Variants in COL25A1 observed in about 807,000 individuals in gnomAD.
COL25A1 encodes collagen type XXV alpha 1 chain.
COL25A1 carries 103 observed loss-of-function variants against 128.4 expected under a neutral mutation model. The observed-to-expected ratio is 0.80, with a 90% CI of 0.68 to 0.94. The LOEUF is 0.94. Among genes scored for constraint, COL25A1 ranks in the 40% least tolerant of loss-of-function variants. COL25A1 has a pLI of 0.00. For missense variants in COL25A1, 745 were observed against 840.0 expected (o/e 0.89, Z 1.40); for synonymous variants, 279 against 277.2 (o/e 1.01, Z -0.06).
At chr4:109,223,196 G>C (rs917317276) in intron 3 of COL25A1, among the ~76,000 whole-genome samples, 1 of 152,110 alleles carries the variant, frequency 6.6e-6, no homozygotes, top group East Asian at 1.9e-4. Flanking sequence ...TAAATGTTCT[G>C]TTACTGTAGA....
chr4:109,019,373 CACATAT>C lies in COL25A1; in HGVS notation c.421-9004_421-8999del, dbSNP rs1490682720. 1.3e-3 allele frequency among the ~76,000 whole-genome samples: 42 copies of C among 31,894 alleles called. No individual in the cohort carries two copies. The East Asian group carries it at 0.017, about 13-fold the overall frequency. 20.9% of individuals were successfully genotyped at this position (31,894 alleles called of 152,430 possible). A position where few individuals can be genotyped will look rare whatever the true frequency, so the allele number is the denominator to read the frequency against. ...ATACACACACACACACACACACACA[CACATAT>C]ATATATATATATATATATATTTATA... On this transcript the variant is annotated intron_variant, in intron 5 of 37. Coordinates refer to ENST00000399132, the MANE Select transcript of COL25A1 (RefSeq NM_198721.4).
chr4:109,187,631 TAGAC>T (rs554504231), intron 3 of COL25A1, among the ~76,000 whole-genome samples: 97 of 152,342 alleles, frequency 6.4e-4, no homozygotes, highest in Non-Finnish European at 9.7e-4. Context: ...ATGAAGCTAA[TAGAC>T]AGTTTTGAAA....
At chr4:108,868,509 A>G (rs1380231617) in intron 20 of COL25A1, among the ~76,000 whole-genome samples, 2 of 149,648 alleles carry the variant, frequency 1.3e-5, no homozygotes, top group African/African-American at 4.9e-5. Flanking sequence ...GGAGGGAGGG[A>G]GGGAGAGAGA....
chr4:109,239,314 TTATAGTAA>T (rs1454127745), intron 3 of COL25A1, among the ~76,000 whole-genome samples: 32 of 147,810 alleles, frequency 2.2e-4, no homozygotes, highest in Non-Finnish European at 4.5e-4. Flanking sequence ...TATATTTATA[TTATAGTAA>T]TATAGTAATA....
intron 4 of COL25A1, 73 bp from the exon 5 acceptor site, chr4:109,048,248 A>C: frequency 7.2e-7 from 1 of 1,388,524 alleles, no homozygotes; most frequent in Non-Finnish European, 1.0e-6. Context: ...AAAATCAAAC[A>C]AAAGATATGA....
chr4:109,041,817 A>G (rs1250803897), intron 5 of COL25A1, among the ~76,000 whole-genome samples: 1 of 152,106 alleles, frequency 6.6e-6, no homozygotes, highest in Non-Finnish European at 1.5e-5. Context: ...TAGCCTTGGA[A>G]CACACATGTT....
At chr4:109,287,018 G>A (rs1414725471) in intron 3 of COL25A1, among the ~76,000 whole-genome samples, 3 of 152,150 alleles carry the variant, frequency 2.0e-5, no homozygotes, top group Non-Finnish European at 4.4e-5. Context: ...TCATTGGTGT[G>A]TTAGCAGCAT....
chr4:109,294,012 T>C (rs2126287483), intron 3 of COL25A1, among the ~76,000 whole-genome samples: 1 of 152,284 alleles, frequency 6.6e-6, no homozygotes, highest in East Asian at 1.9e-4. Context: ...TTGACTAATA[T>C]AAATGTGAAA....
intron 3 of COL25A1, among the ~76,000 whole-genome samples, chr4:109,230,533 C>G (rs946259869): frequency 1.3e-5 from 2 of 152,134 alleles, no homozygotes; most frequent in African/African-American, 4.8e-5. Flanking sequence ...GTTTAGCACT[C>G]TGCAAATGTT....
Position 109,300,585 on chromosome 4 carries a change from G to C in COL25A1, c.365C>G (p.Ala122Gly), listed in dbSNP as rs376182747. 6.2e-7 allele frequency: 1 copy of C among 1,604,306 alleles called. No homozygotes were observed. Among genetic ancestry groups the C allele is most frequent in the African/African-American group, 1.3e-5 (1 of 74,694 alleles). ...TTGTTAAATAAGTTCCATTTTACCT[G>C]CTGGGCAGTTACATTCTGAAGGTGC... ...REAPSECNCP[A>G]GPPGKRGKRG... Residue 122 changes from alanine (A) to glycine (G), a missense_variant and splice_region_variant, in exon 3 of 38, where the codon GCA becomes GGA. Physicochemically the swap from Ala to Gly is moderately conservative, Grantham distance 60 (BLOSUM62 0). Coordinates refer to ENST00000399132, the MANE Select transcript of COL25A1 (RefSeq NM_198721.4).
chr4:109,211,183 A>G (rs868430737), intron 3 of COL25A1, among the ~76,000 whole-genome samples: 37 of 150,956 alleles, frequency 2.5e-4, no homozygotes, highest in African/African-American at 8.7e-4. Context: ...TAAAAGTTGA[A>G]AAGAAAAAAG....
chr4:109,114,943 A>C (rs1171556697), intron 3 of COL25A1, among the ~76,000 whole-genome samples: 1 of 152,096 alleles, frequency 6.6e-6, no homozygotes, highest in Non-Finnish European at 1.5e-5. Flanking sequence ...TATTTGTTCA[A>C]GCAAAATCAA....
chr4:108,982,875 G>A (rs558121870), intron 6 of COL25A1, among the ~76,000 whole-genome samples: 1 of 152,166 alleles, frequency 6.6e-6, no homozygotes, highest in Non-Finnish European at 1.5e-5. Flanking sequence ...ATGTGCCCAT[G>A]ATCAGTCTTA....
chr4:108,827,256 C>T (rs576837530), intron 32 of COL25A1, 68 bp from the exon 33 acceptor site: 492 of 1,323,878 alleles, frequency 3.7e-4, no homozygotes, highest in Non-Finnish European at 4.8e-4. Context: ...CTCTCATGCC[C>T]TATGTCTAAA....
intron 3 of COL25A1, among the ~76,000 whole-genome samples, chr4:109,124,468 A>AT (rs1200043494): frequency 4.6e-5 from 7 of 152,106 alleles, no homozygotes; most frequent in Non-Finnish European, 1.0e-4. Flanking sequence ...CAAAATTTTA[A>AT]TTTTATTTTT....
intron 3 of COL25A1, among the ~76,000 whole-genome samples, chr4:109,213,531 T>A (rs1028111463): frequency 6.6e-6 from 1 of 152,136 alleles, no homozygotes; most frequent in Non-Finnish European, 1.5e-5. Flanking sequence ...GGGAGGACCA[T>A]GTGGGGAGGA....
Position 108,860,958 on chromosome 4 carries a change from T to TCTCCACGATCCCCCTTTTC in COL25A1, c.1198-6_1210dup (p.Glu404GlyfsTer30), listed in dbSNP as rs1239613430. ...TCCCTGAGCTCCAGAGTCCCCTTTT[T>TCTCCACGATCCCCCTTTTC]CTCCACGATCCCCCTTTTCCCGTTG... On this transcript the variant is annotated frameshift_variant, in exon 23 of 38. Coordinates refer to ENST00000399132, the MANE Select transcript of COL25A1 (RefSeq NM_198721.4). LOFTEE classifies it high-confidence loss of function. The TCTCCACGATCCCCCTTTTC allele has an allele frequency of 6.2e-7, 1 of 1,613,640 alleles. No individual in the cohort carries two copies.
intron 3 of COL25A1, among the ~76,000 whole-genome samples, chr4:109,094,174 T>C (rs191910684): frequency 6.6e-6 from 1 of 152,352 alleles, no homozygotes; most frequent in East Asian, 1.9e-4. Flanking sequence ...AGAGAGTTGG[T>C]TCTTCCTTTC....
At chr4:109,263,347 T>G (rs1026434380) in intron 3 of COL25A1, among the ~76,000 whole-genome samples, 7 of 152,110 alleles carry the variant, frequency 4.6e-5, no homozygotes, top group African/African-American at 7.2e-5. Flanking sequence ...AAGGGTGGCA[T>G]ACTCAAAAAG....
Sources: allele counts gnomAD v4.1 joint callset (sites outside exome capture counted in the v4.1 genomes callset), GRCh38; gene constraint gnomAD v4.1.1; transcripts MANE v1.5; gene names NCBI Gene and HGNC (gene_info 2026-07-23, HGNC 2026-07-21).